ARMC9: variants seen among roughly 807,000 people sequenced by gnomAD.
ARMC9 encodes the protein lisH domain-containing protein ARMC9.
Under a neutral mutation model 107.0 loss-of-function variants are expected in ARMC9, and 94 were observed. That is an observed-to-expected ratio of 0.88 (90% CI 0.74 to 1.04). ARMC9 has a LOEUF of 1.04. Among genes scored for constraint, ARMC9 ranks in the 50% least tolerant of loss-of-function variants. ARMC9 has a pLI of 0.00. For synonymous variants in ARMC9, 380 were observed against 396.9 expected (o/e 0.96, Z 0.51); for missense variants, 942 against 1,030.1 (o/e 0.91, Z 1.17).
intron 18 of ARMC9, 118 bp downstream of exon 18, chr2:231,291,561 T>C (rs2040995291): frequency 8.1e-6 from 8 of 991,742 alleles, no homozygotes; most frequent in Non-Finnish European, 1.2e-5. Flanking sequence ...CTCGTGCTTA[T>C]AATCCCAGCA....
rs750275696 is a variant in ARMC9 at position 231,256,526 on chromosome 2, A to T, written c.880-60A>T. On this transcript the variant is annotated intron_variant, in intron 9 of 24. Transcript: ENST00000611582. ...TTCCATGCTATTAGGGTGATTTGGG[A>T]TCCGTGCATTGCTATCAGTGTTTAA... The T allele has an allele frequency of 1.5e-4, 229 of 1,576,798 alleles. 1 individual carries two copies. Among genetic ancestry groups the T allele is most frequent in the Admixed American group, 9.0e-4 (54 of 59,838 alleles).
rs967774857 is a variant in ARMC9, at chr2:231,241,898, C to A, written c.879+1857C>A. On this transcript the variant is annotated intron_variant, in intron 9 of 24. Coordinates refer to ENST00000611582, the MANE Select transcript of ARMC9 (RefSeq NM_001352754.2). Reference sequence around the variant, plus strand: ...GTCTGTGCAAAAAGGGAAACAGGAGCAGTTACATGATTCCCAGTGCTTATA... The same window carrying A: ...GTCTGTGCAAAAAGGGAAACAGGAGAAGTTACATGATTCCCAGTGCTTATA... 2.6e-5 allele frequency among the ~76,000 whole-genome samples: 4 copies of A among 152,178 alleles called. No homozygotes were observed. The East Asian group carries it at 7.7e-4, about 29-fold the overall frequency.
At chr2:231,325,171 G>A (rs190011811) in intron 19 of ARMC9, among the ~76,000 whole-genome samples, 1 of 152,290 alleles carries the variant, frequency 6.6e-6, no homozygotes, top group East Asian at 1.9e-4. Flanking sequence ...CTGCAATGGG[G>A]CCCTTGATTA....
chr2:231,330,678 G>A (rs2125555798), intron 19 of ARMC9, among the ~76,000 whole-genome samples: 1 of 152,306 alleles, frequency 6.6e-6, no homozygotes, highest in East Asian at 1.9e-4. Flanking sequence ...GGGTACAGCT[G>A]GGGCTCCTGA....
chr2:231,208,711 A>G (rs767588247), intron 3 of ARMC9, among the ~76,000 whole-genome samples: 109 of 152,178 alleles, frequency 7.2e-4, no homozygotes, highest in Non-Finnish European at 1.3e-3. Flanking sequence ...AGCTCTGTGA[A>G]TACCAGTGGG....
intron 19 of ARMC9, among the ~76,000 whole-genome samples, chr2:231,320,863 C>G (rs2042959016): frequency 6.6e-6 from 1 of 152,156 alleles, no homozygotes; most frequent in Admixed American, 6.5e-5. Context: ...ACAGGTGGGG[C>G]CAAGCATGGA....
At chr2:231,281,791 T>C (rs527923535) in intron 16 of ARMC9, among the ~76,000 whole-genome samples, 37 of 152,208 alleles carry the variant, frequency 2.4e-4, no homozygotes, top group Non-Finnish European at 4.6e-4. Flanking sequence ...AAGTTAAAGG[T>C]AACTTTAATT....
intron 11 of ARMC9, among the ~76,000 whole-genome samples, chr2:231,259,466 G>T (rs536667878): frequency 1.3e-5 from 2 of 152,226 alleles, no homozygotes; most frequent in Non-Finnish European, 2.9e-5. Context: ...ATGCAGCCAC[G>T]CTGGACAGGC....
intron 13 of ARMC9, among the ~76,000 whole-genome samples, chr2:231,272,599 C>A (rs992643756): frequency 6.6e-6 from 1 of 152,014 alleles, no homozygotes; most frequent in African/African-American, 2.4e-5. Context: ...CTCACTGCAA[C>A]CTGCCTCCTG....
chr2:231,320,524 G>A (rs1414776134), intron 19 of ARMC9, among the ~76,000 whole-genome samples: 3 of 149,764 alleles, frequency 2.0e-5, no homozygotes, highest in African/African-American at 7.4e-5. Context: ...TGACAGAGAT[G>A]TGAACAGCAA....
intron 15 of ARMC9, among the ~76,000 whole-genome samples, chr2:231,277,704 AG>A (rs1445328073): frequency 3.3e-5 from 5 of 151,892 alleles, no homozygotes; most frequent in Non-Finnish European, 7.4e-5. Context: ...CTGGGATTAC[AG>A]GTGCCCACCA....
chr2:231,268,545 C>G (rs892368358), intron 12 of ARMC9, among the ~76,000 whole-genome samples: 1 of 151,804 alleles, frequency 6.6e-6, no homozygotes, highest in Non-Finnish European at 1.5e-5. Flanking sequence ...TTCCAGTGTC[C>G]CATATTATCT....
intron 5 of ARMC9, among the ~76,000 whole-genome samples, chr2:231,220,999 T>C (rs2034066803): frequency 6.6e-6 from 1 of 152,246 alleles, no homozygotes; most frequent in African/African-American, 2.4e-5. Flanking sequence ...GTAGACCACC[T>C]TGAGTTGTAG....
chr2:231,231,439 C>T (rs1035303585), intron 7 of ARMC9, among the ~76,000 whole-genome samples: 5 of 151,882 alleles, frequency 3.3e-5, no homozygotes, highest in Admixed American at 6.6e-5. Context: ...GCTGGAGTGC[C>T]GTGGCATGAT....
intron 12 of ARMC9, among the ~76,000 whole-genome samples, chr2:231,264,777 C>T (rs1421454538): frequency 6.6e-6 from 1 of 151,296 alleles, no homozygotes; most frequent in Non-Finnish European, 1.5e-5. Flanking sequence ...GATTACAGGC[C>T]TGAGCCACTG....
At chr2:231,317,195 G>A (rs2042744742) in intron 19 of ARMC9, among the ~76,000 whole-genome samples, 2 of 151,480 alleles carry the variant, frequency 1.3e-5, no homozygotes, top group Admixed American at 6.6e-5. Context: ...TTTTGAGACG[G>A]AGTCTCATTC....
At chr2:231,336,947 G>A (rs963209742) in intron 20 of ARMC9, among the ~76,000 whole-genome samples, 15 of 152,130 alleles carry the variant, frequency 9.9e-5, no homozygotes, top group African/African-American at 3.6e-4. Context: ...GCGAGCCCCT[G>A]GAGACAGGAG....
At chr2:231,320,418 G>A (rs1041238932) in intron 19 of ARMC9, among the ~76,000 whole-genome samples, 1 of 152,036 alleles carries the variant, frequency 6.6e-6, no homozygotes, top group Non-Finnish European at 1.5e-5. Flanking sequence ...AGTTGCTAAC[G>A]GTAGTATTCA....
chr2:231,206,595 A>C (rs984658456), intron 2 of ARMC9, among the ~76,000 whole-genome samples: 6 of 152,228 alleles, frequency 3.9e-5, no homozygotes, highest in Non-Finnish European at 8.8e-5. Context: ...GTATAGTAAA[A>C]ATATATTCAC....
Sources: gnomAD v4.1 joint callset for allele counts (sites outside exome capture counted in the v4.1 genomes callset) on GRCh38, gnomAD v4.1.1 for gene constraint, MANE v1.5 for transcripts, NCBI Gene and HGNC (gene_info 2026-07-23, HGNC 2026-07-21) for gene names.